Variants in PTPN13 observed in about 807,000 individuals in gnomAD.
PTPN13 encodes tyrosine-protein phosphatase non-receptor type 13.
PTPN13 carries 191 observed loss-of-function variants against 284.0 expected under a neutral mutation model. That is an observed-to-expected ratio of 0.67 (90% CI 0.60 to 0.76). PTPN13 has a LOEUF of 0.76. Ranked by LOEUF, PTPN13 falls within the 30% of genes least tolerant of loss-of-function variation. The pLI, the probability that PTPN13 is intolerant of heterozygous loss-of-function variation, is 0.00. For missense variants in PTPN13, 2,797 were observed against 2,939.9 expected (o/e 0.95, Z 1.12); for synonymous variants, 986 against 1,022.3 (o/e 0.96, Z 0.68).
chr4:86,750,841 T>C lies in PTPN13; in HGVS notation c.3022T>C (p.Ser1008Pro), dbSNP rs768235740. The C allele has an allele frequency of 2.7e-5, 44 of 1,613,686 alleles. No individual in the cohort carries two copies. Among genetic ancestry groups the C allele is most frequent in the Non-Finnish European group, 3.6e-5 (43 of 1,179,848 alleles). The change falls in exon 18 of 48, where the codon TCA (serine) becomes CCA (proline). Residue 1008 changes from serine to proline, a missense_variant. Coordinates refer to ENST00000411767, the MANE Select transcript of PTPN13 (RefSeq NM_080683.3). ...ELVGKPSHQM[S>P]RSDAESLAGV... ...GGTGGGAAAACCTTCTCACCAGATG[T>C]CAAGATCTGATGCAGAATCTTTGGC... is the stretch of plus-strand genomic sequence containing the variant.
chr4:86,768,727 T>G (rs1739617129), intron 28 of PTPN13, among the ~76,000 whole-genome samples: 1 of 150,950 alleles, frequency 6.6e-6, no homozygotes, highest in South Asian at 2.1e-4. Flanking sequence ...TTTTTTTTTT[T>G]TGAAACAGAG....
intron 2 of PTPN13, among the ~76,000 whole-genome samples, chr4:86,638,581 C>G (rs151109361): frequency 2.6e-5 from 4 of 152,024 alleles, no homozygotes; most frequent in Admixed American, 1.3e-4. Context: ...AATGGGGAAA[C>G]GATTCGCTAT....
chr4:86,686,091 G>T (rs937422372), intron 3 of PTPN13, among the ~76,000 whole-genome samples: 3 of 152,016 alleles, frequency 2.0e-5, no homozygotes, highest in African/African-American at 7.2e-5. Flanking sequence ...GCCAGGCGCA[G>T]TGGGTCACGC....
intron 7 of PTPN13, among the ~76,000 whole-genome samples, chr4:86,706,471 T>G (rs1157553149): frequency 6.6e-6 from 1 of 152,186 alleles, no homozygotes; most frequent in Non-Finnish European, 1.5e-5. Context: ...CTTTTGGTTT[T>G]TTCTGTATTA....
intron 3 of PTPN13, among the ~76,000 whole-genome samples, chr4:86,681,243 C>T (rs1186566445): frequency 3.9e-5 from 6 of 152,080 alleles, no homozygotes; most frequent in Admixed American, 3.3e-4. Context: ...TTTTTTAATA[C>T]ATAGGTGCAT....
intron 7 of PTPN13, among the ~76,000 whole-genome samples, chr4:86,708,895 A>G (rs144599045): frequency 1.3e-5 from 2 of 151,682 alleles, no homozygotes; most frequent in Non-Finnish European, 3.0e-5. Flanking sequence ...CATTTCCCAT[A>G]TCACACCTCA....
intron 10 of PTPN13, among the ~76,000 whole-genome samples, chr4:86,732,049 A>G (rs549303361): frequency 3.3e-5 from 5 of 152,212 alleles, no homozygotes; most frequent in Non-Finnish European, 7.3e-5. Flanking sequence ...TTATAACTCT[A>G]TATTACTTCT....
At chr4:86,773,484 TCTAAAC>T (rs980242804) in intron 32 of PTPN13, among the ~76,000 whole-genome samples, 3 of 152,202 alleles carry the variant, frequency 2.0e-5, no homozygotes, top group Non-Finnish European at 4.4e-5. Flanking sequence ...TCCTAGAACT[TCTAAAC>T]CTACAAATAA....
chr4:86,743,517 G>T (rs1040246015), intron 16 of PTPN13, among the ~76,000 whole-genome samples: 1 of 152,068 alleles, frequency 6.6e-6, no homozygotes, highest in Non-Finnish European at 1.5e-5. Flanking sequence ...GAGTTACCAG[G>T]TATACTACTG....
intron 43 of PTPN13, 34 bp downstream of exon 43, chr4:86,803,891 G>A: frequency 1.9e-6 from 3 of 1,600,622 alleles, no homozygotes; most frequent in Non-Finnish European, 2.6e-6. Context: ...CTCTCCCAAA[G>A]TGTATGCATT....
chr4:86,670,627 G>T (rs188385647), intron 2 of PTPN13, among the ~76,000 whole-genome samples: 1 of 152,104 alleles, frequency 6.6e-6, no homozygotes, highest in African/African-American at 2.4e-5. Flanking sequence ...TTATTAGTGC[G>T]TTGTCTTCCT....
intron 44 of PTPN13, among the ~76,000 whole-genome samples, chr4:86,806,589 T>C (rs995219307): frequency 9.2e-5 from 14 of 152,232 alleles, no homozygotes; most frequent in Non-Finnish European, 1.6e-4. Flanking sequence ...AAATGGCCAG[T>C]TGAATATCTC....
intron 43 of PTPN13, 48 bp from the exon 44 acceptor site, chr4:86,805,231 T>C (rs1744521378): frequency 7.8e-7 from 1 of 1,274,816 alleles, no homozygotes; most frequent in Non-Finnish European, 1.1e-6. Flanking sequence ...AAGTTATTAC[T>C]GAATTACTGC....
intron 35 of PTPN13, among the ~76,000 whole-genome samples, chr4:86,779,541 G>A (rs1361934464): frequency 6.6e-6 from 1 of 152,152 alleles, no homozygotes; most frequent in Non-Finnish European, 1.5e-5. Flanking sequence ...CAGTCTGTAA[G>A]AAAGCCTGTT....
intron 36 of PTPN13, 112 bp from the exon 37 acceptor site, chr4:86,782,089 G>T: frequency 1.5e-6 from 1 of 657,696 alleles, no homozygotes; most frequent in South Asian, 2.1e-5. Context: ...TTATTTTTGT[G>T]TACTAATAAA....
intron 42 of PTPN13, among the ~76,000 whole-genome samples, chr4:86,800,720 GAGGA>G (rs372612569): frequency 5.6e-5 from 8 of 142,862 alleles, no homozygotes; most frequent in Non-Finnish European, 9.2e-5. Flanking sequence ...GGGAGGGAGG[GAGGA>G]AGGAAGGAAG....
At chr4:86,687,901 A>G (rs1729613202) in intron 4 of PTPN13, among the ~76,000 whole-genome samples, 1 of 152,120 alleles carries the variant, frequency 6.6e-6, no homozygotes, top group Non-Finnish European at 1.5e-5. Flanking sequence ...AGAAATCAGG[A>G]TATTTTGGAA....
chr4:86,765,408 C>A lies in PTPN13; in HGVS notation c.4163C>A (p.Thr1388Lys). Reference sequence around the variant, plus strand: ...TTTTCTCTTTAGGGAGGTGTGAATACGAGTGTCAGACATGGTGGCATTTAT... The same window carrying A: ...TTTTCTCTTTAGGGAGGTGTGAATAAGAGTGTCAGACATGGTGGCATTTAT... Reference protein sequence around the residue: ...LGISVTGGVNTSVRHGGIYVK... With the variant: ...LGISVTGGVNKSVRHGGIYVK... Residue 1388 changes from threonine (T) to lysine (K), a missense_variant, in exon 26 of 48, where the codon ACG (threonine) becomes AAG (lysine). By Grantham distance (78) the Thr-to-Lys change is moderately conservative (BLOSUM62 -1). Coordinates refer to ENST00000411767, the MANE Select transcript of PTPN13 (RefSeq NM_080683.3). 1 of 1,598,928 alleles carries A rather than the reference C, an allele frequency of 6.3e-7. No homozygotes were observed. Among genetic ancestry groups the A allele is most frequent in the Non-Finnish European group, 8.5e-7 (1 of 1,172,024 alleles).
chr4:86,730,468 C>T (rs981420862), intron 10 of PTPN13, among the ~76,000 whole-genome samples: 4 of 149,740 alleles, frequency 2.7e-5, no homozygotes, highest in Non-Finnish European at 4.5e-5. Flanking sequence ...CCACCCACTT[C>T]GAGGTTCCCA....
Sources: allele counts gnomAD v4.1 joint callset (sites outside exome capture counted in the v4.1 genomes callset), GRCh38; gene constraint gnomAD v4.1.1; transcripts MANE v1.5; gene names NCBI Gene and HGNC (gene_info 2026-07-23, HGNC 2026-07-21).